RSPH14: variants seen among roughly 807,000 people sequenced by gnomAD.
The protein encoded by RSPH14 is radial spoke head 14 homolog.
RSPH14 carries 20 observed loss-of-function variants against 26.7 expected under a neutral mutation model. That is an observed-to-expected ratio of 0.75 (90% confidence interval 0.53 to 1.09). The LOEUF (loss-of-function observed/expected upper bound fraction) is 1.09. Ranked by LOEUF, RSPH14 falls within the 50% of genes least tolerant of loss-of-function variation. The pLI is 0.00. For synonymous variants in RSPH14, 177 were observed against 189.3 expected, an observed-to-expected ratio of 0.93 and a Z score of 0.53; for missense variants, 449 against 457.2, an observed-to-expected ratio of 0.98 and a Z score of 0.16.
chr22:23,094,024 G>T (rs2069056817), intron 4 of RSPH14, among the ~76,000 whole-genome samples: 1 of 152,216 alleles, frequency 6.6e-6, no homozygotes, highest in African/African-American at 2.4e-5. Flanking sequence ...TGAGGGTTTA[G>T]CAGGTTGAGT....
At chr22:23,067,521 T>C (rs529602736) in intron 4 of RSPH14, among the ~76,000 whole-genome samples, 1 of 152,342 alleles carries the variant, frequency 6.6e-6, no homozygotes, top group African/African-American at 2.4e-5. Context: ...TGCATGGCCC[T>C]GTGCCCTGAA....
chr22:23,120,325 C>T (rs1419774939), intron 4 of RSPH14, among the ~76,000 whole-genome samples: 2 of 152,012 alleles, frequency 1.3e-5, no homozygotes, highest in Non-Finnish European at 2.9e-5. Flanking sequence ...TGTTTCATGG[C>T]GTTGGACAAG....
At chr22:23,154,045 C>G in the RSPH14 span, among the ~76,000 whole-genome samples, 8 of 152,214 alleles carry the variant, frequency 5.3e-5, no homozygotes, top group Non-Finnish European at 1.0e-4. Flanking sequence ...ATGGCCTCCA[C>G]TGGCCTTACC....
the RSPH14 span, among the ~76,000 whole-genome samples, chr22:23,166,749 CAA>C: frequency 6.6e-6 from 1 of 152,126 alleles, no homozygotes; most frequent in Non-Finnish European, 1.5e-5. Flanking sequence ...CCTTGGATCC[CAA>C]GAGGGCGAGG....
chr22:23,082,209 T>G (rs1449969832), intron 4 of RSPH14, among the ~76,000 whole-genome samples: 1 of 151,910 alleles, frequency 6.6e-6, no homozygotes, highest in Non-Finnish European at 1.5e-5. Context: ...TCGTTGTGTT[T>G]TTTTGTTTTT....
chr22:23,150,947 C>T, the RSPH14 span, among the ~76,000 whole-genome samples: 776 of 152,336 alleles, frequency 5.1e-3, 7 homozygotes, highest in African/African-American at 0.017. Flanking sequence ...CTGTGTCTGT[C>T]CTCTTCCTGC....
intron 5 of RSPH14, 107 bp from the exon 6 acceptor site, chr22:23,062,052 C>T: frequency 4.4e-6 from 6 of 1,357,018 alleles, no homozygotes; most frequent in Non-Finnish European, 6.1e-6. Flanking sequence ...GTGGGGGCTA[C>T]CCCAGGTAGT....
chr22:23,146,094 C>T (rs2070755216), upstream of RSPH14: 2 of 897,794 alleles, frequency 2.2e-6, no homozygotes, highest in East Asian at 1.2e-4. Context: ...GGTCTTCTGA[C>T]TCCCAGGCAG....
intron 4 of RSPH14, among the ~76,000 whole-genome samples, chr22:23,100,739 G>T (rs1002454565): frequency 1.3e-5 from 2 of 152,210 alleles, no homozygotes; most frequent in Non-Finnish European, 2.9e-5. Flanking sequence ...GGCGGGAGGC[G>T]GTAGGCTTGG....
At chr22:23,164,801 G>A in the RSPH14 span, among the ~76,000 whole-genome samples, 18 of 152,026 alleles carry the variant, frequency 1.2e-4, no homozygotes, top group African/African-American at 4.4e-4. Flanking sequence ...CTGGAGACAC[G>A]TACCTGAAGC....
At chr22:23,092,049 A>T (rs2068995217) in intron 4 of RSPH14, among the ~76,000 whole-genome samples, 1 of 152,112 alleles carries the variant, frequency 6.6e-6, no homozygotes, top group Non-Finnish European at 1.5e-5. Flanking sequence ...GCCCAGAGGC[A>T]CTGTGGTGGG....
chr22:23,134,117 G>A lies in RSPH14; in HGVS notation c.330C>T (p.Val110=), dbSNP rs374342009. 8.1e-6 allele frequency: 13 copies of A among 1,612,302 alleles called. No homozygotes were observed. In the African/African-American group the frequency reaches 1.3e-4, roughly 17 times the overall value. ...CATTCAGCAGGAAGGACAGGGCAAG[G>A]ACGATGTCGTGCTCTAGAAAGGCGT... ...GRYAFLEHDI[V]LALSFLLNDP... is the part of the protein sequence containing the mutation. Residue 110 remains valine (V), a synonymous_variant, in exon 4 of 7, where the codon GTC becomes GTT. Coordinates refer to ENST00000216036, the MANE Select transcript of RSPH14 (RefSeq NM_014433.3).
intron 4 of RSPH14, among the ~76,000 whole-genome samples, chr22:23,130,075 GAAAGAAAGGAAGAA>G (rs2070285664): frequency 3.5e-5 from 1 of 28,592 alleles, no homozygotes; most frequent in Non-Finnish European, 7.3e-5. Flanking sequence ...AAGAAAGAAA[GAAAGAAAGGAAGAA>G]AGAAAGAAAG....
chr22:23,127,660 T>C (rs2070219005), intron 4 of RSPH14, among the ~76,000 whole-genome samples: 1 of 152,084 alleles, frequency 6.6e-6, no homozygotes, highest in African/African-American at 2.4e-5. Context: ...GCACCTACTT[T>C]GCTTCTCCAG....
chr22:23,152,240 G>C, the RSPH14 span, among the ~76,000 whole-genome samples: 1 of 152,144 alleles, frequency 6.6e-6, no homozygotes, highest in African/African-American at 2.4e-5. Context: ...GCCAAATATG[G>C]TGAGGGGTGC....
At chr22:23,069,572 A>T (rs2068287951) in intron 4 of RSPH14, among the ~76,000 whole-genome samples, 1 of 152,176 alleles carries the variant, frequency 6.6e-6, no homozygotes, top group African/African-American at 2.4e-5. Flanking sequence ...CAGTGGCCTT[A>T]ACTGAACTGG....
intron 4 of RSPH14, among the ~76,000 whole-genome samples, chr22:23,101,936 C>T (rs1323748555): frequency 6.6e-6 from 1 of 152,238 alleles, no homozygotes; most frequent in Non-Finnish European, 1.5e-5. Flanking sequence ...TATCCCCAGC[C>T]CGCATCCCTC....
At chr22:23,164,801 G>C in the RSPH14 span, among the ~76,000 whole-genome samples, 1 of 152,026 alleles carries the variant, frequency 6.6e-6, no homozygotes, top group Non-Finnish European at 1.5e-5. Context: ...CTGGAGACAC[G>C]TACCTGAAGC....
intron 4 of RSPH14, among the ~76,000 whole-genome samples, chr22:23,130,024 G>A (rs961651133): frequency 3.5e-5 from 5 of 143,844 alleles, no homozygotes; most frequent in African/African-American, 1.3e-4. Context: ...AAGAAGGAAA[G>A]AAAGAAAGGG....
Sources: allele counts gnomAD v4.1 joint callset (sites outside exome capture counted in the v4.1 genomes callset), GRCh38; gene constraint gnomAD v4.1.1; transcripts MANE v1.5; gene names NCBI Gene and HGNC (gene_info 2026-07-23, HGNC 2026-07-21).